Variants in TLK1 observed in about 807,000 individuals in gnomAD.
The protein encoded by TLK1 is serine/threonine-protein kinase tousled-like 1.
TLK1 carries 24 observed loss-of-function variants against 105.3 expected under a neutral mutation model. The observed-to-expected ratio is 0.23, with a 90% CI of 0.17 to 0.32. The LOEUF (loss-of-function observed/expected upper bound fraction) is 0.32, where lower values mean the gene tolerates loss of function less well. TLK1 is among the 10% of genes least tolerant of loss of function. The probability of loss-of-function intolerance (pLI) is 1.00; values close to 1 mark genes in which losing one functional copy is unlikely to be tolerated. For synonymous variants in TLK1, 321 were observed against 310.4 expected, an observed-to-expected ratio of 1.03 and a Z score of -0.36; for missense variants, 558 against 910.5, an observed-to-expected ratio of 0.61 and a Z score of 4.98.
upstream of TLK1, among the ~76,000 whole-genome samples, chr2:171,162,662 T>C (rs1405165523): frequency 6.6e-6 from 1 of 152,252 alleles, no homozygotes; most frequent in Non-Finnish European, 1.5e-5. Flanking sequence ...TTCCTCTTTG[T>C]GGTTCCTCCT....
At chr2:171,195,826 A>T (rs186329561) in intron 1 of TLK1, among the ~76,000 whole-genome samples, 1 of 152,056 alleles carries the variant, frequency 6.6e-6, no homozygotes, top group Non-Finnish European at 1.5e-5. Context: ...AGGCTGGCAG[A>T]TCACCTGAGG....
chr2:171,036,726 G>T (rs1358558335), intron 11 of TLK1, among the ~76,000 whole-genome samples: 1 of 152,152 alleles, frequency 6.6e-6, no homozygotes, highest in African/African-American at 2.4e-5. Context: ...GTCTCAGGGT[G>T]GATTATACCC....
intron 1 of TLK1, among the ~76,000 whole-genome samples, chr2:171,169,924 G>T (rs1373312552): frequency 1.3e-5 from 2 of 152,166 alleles, no homozygotes; most frequent in Admixed American, 6.5e-5. Context: ...GAACCCACTA[G>T]CAGAATCAGA....
rs986784750 is a variant in TLK1 at position 171,021,217 on chromosome 2, T to A, written c.1237-6269A>T. Among the ~76,000 whole-genome samples, 4 of 152,014 alleles carry A rather than the reference T, an allele frequency of 2.6e-5. No individual in the cohort carries two copies. The South Asian group carries it at 8.3e-4, about 32-fold the overall frequency. On this transcript the variant is annotated intron_variant, in intron 12 of 20. Transcript: ENST00000431350. ...CAAAACAAAAACTACCTCCCCAGCA[T>A]CAAATAAATGTTTAAGAATTCAACT...
At chr2:171,160,974 C>CGGT, upstream of TLK1, 1 of 149,562 alleles carries the variant, frequency 6.7e-6, no homozygotes, top group Non-Finnish European at 1.2e-5. The surrounding 1 kb of genome is among the most constrained non-coding windows in gnomAD (Gnocchi z 4.4). Context: ...GTAGCGGCGG[C>CGGT]GGCGGCGGCG....
chr2:171,149,099 CTTTT>C (rs11335300), intron 1 of TLK1, among the ~76,000 whole-genome samples: 11 of 57,886 alleles, frequency 1.9e-4, no homozygotes, highest in African/African-American at 7.3e-4. Context: ...AATTACTTTT[CTTTT>C]TTTTTTTTTT....
chr2:171,004,425 G>A (rs1684549304), intron 18 of TLK1, among the ~76,000 whole-genome samples: 2 of 151,800 alleles, frequency 1.3e-5, no homozygotes, highest in South Asian at 2.1e-4. Flanking sequence ...GCTGTACATA[G>A]CTAAACAACT....
chr2:171,085,518 A>G (rs192711128), intron 2 of TLK1, among the ~76,000 whole-genome samples: 1 of 152,354 alleles, frequency 6.6e-6, no homozygotes, highest in East Asian at 1.9e-4. Context: ...ACACCTAGGA[A>G]TAACAACCCA....
chr2:171,190,127 C>T (rs749499428), intron 1 of TLK1, among the ~76,000 whole-genome samples: 1 of 152,198 alleles, frequency 6.6e-6, no homozygotes, highest in East Asian at 1.9e-4. Flanking sequence ...TCCATTCGAA[C>T]TTCTCCACCC....
At position 171,014,712 on chromosome 2, in the gene TLK1, C is replaced by G. The variant is rs1685090319; in HGVS notation, c.1334+139G>C. ...GGCCAGGGACCAAATCATAAAAGGC[C>G]TTCCAAGCCATGGGAAGGACTTTGG... On this transcript the variant is annotated intron_variant, in intron 13 of 20. Transcript: ENST00000431350. 16 of 642,802 alleles carry G rather than the reference C, an allele frequency of 2.5e-5. No homozygotes were observed. In the South Asian group the frequency reaches 3.4e-4, roughly 14 times the overall value. The allele number at this position is 642,802 out of a possible 1,614,324, so 39.8% of individuals were successfully genotyped here.
intron 1 of TLK1, among the ~76,000 whole-genome samples, chr2:171,159,980 T>TG (rs1208565424): frequency 6.6e-6 from 1 of 152,136 alleles, no homozygotes; most frequent in Non-Finnish European, 1.5e-5. Flanking sequence ...GGCTCGCGTC[T>TG]GGGGGGAGGC....
intron 4 of TLK1, among the ~76,000 whole-genome samples, chr2:171,059,460 A>C (rs1687643507): frequency 6.6e-6 from 1 of 152,188 alleles, no homozygotes; most frequent in Non-Finnish European, 1.5e-5. Flanking sequence ...TTCAAGTATC[A>C]TCCCTTCTCC....
At chr2:171,090,993 C>T (rs78973712) in intron 2 of TLK1, among the ~76,000 whole-genome samples, 2,426 of 152,310 alleles carry the variant, frequency 0.016, 64 homozygotes, top group African/African-American at 0.052. Context: ...AGATGGCCAT[C>T]ATATCAGAAA....
At chr2:171,057,974 T>C (rs1051335202) in intron 5 of TLK1, among the ~76,000 whole-genome samples, 177 bp downstream of exon 5, 6 of 152,106 alleles carry the variant, frequency 3.9e-5, no homozygotes, top group Non-Finnish European at 8.8e-5. Context: ...AAAAATGATA[T>C]GGCATCCCAA....
rs1684911784 is a variant in TLK1 at position 171,011,457 on chromosome 2, T to C, written c.1335-3A>G. On this transcript the variant is annotated splice_region_variant and splice_polypyrimidine_tract_variant and intron_variant, in intron 13 of 20. Transcript: ENST00000431350. ...TTAATGTTGGGTGATCTTTGAACCTTAGAGGTGGGGGCAAAAAACAGACAT... is the reference window on the plus strand; with the variant it reads ...TTAATGTTGGGTGATCTTTGAACCTCAGAGGTGGGGGCAAAAAACAGACAT... The C allele has an allele frequency of 1.2e-6, 2 of 1,608,632 alleles. No individual in the cohort carries two copies. Among genetic ancestry groups the C allele is most frequent in the Admixed American group, 1.7e-5 (1 of 58,750 alleles).
intron 11 of TLK1, among the ~76,000 whole-genome samples, chr2:171,036,848 G>A (rs1201447280): frequency 1.3e-5 from 2 of 152,252 alleles, no homozygotes; most frequent in South Asian, 2.1e-4. Context: ...TTGAGATAGG[G>A]TGAATGTACT....
rs200604934 is a variant in TLK1, at chr2:171,174,526, GCTCT to G, written c.-6+56615_-6+56618del. Among the ~76,000 whole-genome samples, 553 of 152,080 alleles carry G rather than the reference GCTCT, an allele frequency of 3.6e-3. 1 individual carries two copies. Among genetic ancestry groups the G allele is most frequent in the Non-Finnish European group, 6.2e-3 (420 of 67,992 alleles). ...ATTATTATTTAACATGCAATATTAA[GCTCT>G]CTATCTCCTTGCTCCCATGGCATAC... On this transcript the variant is annotated intron_variant, in intron 1 of 20. Transcript: ENST00000521943.
intron 3 of TLK1, among the ~76,000 whole-genome samples, chr2:171,068,502 T>TG (rs1688114881): frequency 6.6e-6 from 1 of 152,188 alleles, no homozygotes; most frequent in African/African-American, 2.4e-5. Flanking sequence ...CTCTATCATA[T>TG]CTTTATTAGC....
intron 2 of TLK1, among the ~76,000 whole-genome samples, chr2:171,110,700 T>A (rs1011225351): frequency 6.6e-6 from 1 of 152,184 alleles, no homozygotes; most frequent in Admixed American, 6.5e-5. Context: ...GATCAGTGGT[T>A]GCCAGAGGCA....
Sources: gnomAD v4.1 joint callset for allele counts (sites outside exome capture counted in the v4.1 genomes callset) on GRCh38, gnomAD v4.1.1 for gene constraint, Gnocchi (gnomAD v3.1) non-coding constraint, MANE v1.5 for transcripts, NCBI Gene and HGNC (gene_info 2026-07-23, HGNC 2026-07-21) for gene names.